The following RPSA2 variants were observed in gnomAD, a reference collection of about 807,000 sequenced individuals.
RPSA2 encodes the protein ribosomal protein SA 2, also known as small ribosomal subunit protein uS2B.
chr19:23,820,633 C>T, the RPSA2 span, among the ~76,000 whole-genome samples: 3 of 152,304 alleles, frequency 2.0e-5, no homozygotes, highest in Admixed American at 1.3e-4. Context: ...GCTCATACAG[C>T]ATCTAAGAGC....
At chr19:23,861,128 C>G in the RPSA2 span, among the ~76,000 whole-genome samples, 11 of 152,318 alleles carry the variant, frequency 7.2e-5, no homozygotes, top group East Asian at 9.7e-4. Context: ...TTACTTCACT[C>G]ATATCACATG....
chr19:23,847,747 TATCTC>T, the RPSA2 span, among the ~76,000 whole-genome samples: 2 of 152,160 alleles, frequency 1.3e-5, no homozygotes, highest in African/African-American at 4.8e-5. Flanking sequence ...GACCAGGGCG[TATCTC>T]AGTACTTATC....
chr19:23,827,825 G>C, the RPSA2 span: 27 of 1,546,978 alleles, frequency 1.7e-5, no homozygotes, highest in South Asian at 3.0e-4. Flanking sequence ...TGAGAAGGCA[G>C]TGACCAAGGA....
At chr19:23,832,699 C>T in the RPSA2 span, 3,573 of 1,507,040 alleles carry the variant, frequency 2.4e-3, 81 homozygotes, top group African/African-American at 0.042. Flanking sequence ...TAAGAGGATG[C>T]ACACTGGAGA....
chr19:23,772,417 C>A, the RPSA2 span, among the ~76,000 whole-genome samples: 3 of 152,168 alleles, frequency 2.0e-5, no homozygotes, highest in Non-Finnish European at 4.4e-5. Flanking sequence ...TAACTCCCTA[C>A]CTACAGGTTA....
the RPSA2 span, among the ~76,000 whole-genome samples, chr19:23,780,161 G>C: frequency 6.6e-6 from 1 of 152,086 alleles, no homozygotes; most frequent in African/African-American, 2.4e-5. Context: ...AGGTTATAGA[G>C]AATTACCACT....
the RPSA2 span, among the ~76,000 whole-genome samples, chr19:23,846,619 A>G: frequency 1.3e-5 from 2 of 152,174 alleles, no homozygotes; most frequent in Non-Finnish European, 2.9e-5. Context: ...TCACTTGTGA[A>G]GGTTAATCTA....
At chr19:23,792,607 CAG>C in the RPSA2 span, among the ~76,000 whole-genome samples, 2 of 137,434 alleles carry the variant, frequency 1.5e-5, no homozygotes, top group Non-Finnish European at 3.1e-5. Context: ...TTTTTTGTGA[CAG>C]AGTCTAGCTC....
chr19:23,768,791 T>G, the RPSA2 span, among the ~76,000 whole-genome samples: 2 of 150,216 alleles, frequency 1.3e-5, no homozygotes, highest in African/African-American at 4.9e-5. Context: ...TTTCACCATG[T>G]TGGCCAGGCT....
the RPSA2 span, among the ~76,000 whole-genome samples, chr19:23,766,792 C>CT: frequency 7.0e-6 from 1 of 143,184 alleles, no homozygotes; most frequent in Non-Finnish European, 1.5e-5. Flanking sequence ...GAGTTTCGCT[C>CT]TTGTTACCCA....
At chr19:23,820,618 CTG>C in the RPSA2 span, among the ~76,000 whole-genome samples, 2 of 152,188 alleles carry the variant, frequency 1.3e-5, no homozygotes, top group Non-Finnish European at 2.9e-5. Context: ...GCTACCTTCT[CTG>C]GGGCTCATAC....
At chr19:23,787,319 G>A in the RPSA2 span, among the ~76,000 whole-genome samples, 2 of 152,010 alleles carry the variant, frequency 1.3e-5, no homozygotes, top group Admixed American at 1.3e-4. Flanking sequence ...AAATGTCTTT[G>A]TGGCTGGGTG....
chr19:23,862,034 G>T, the RPSA2 span, among the ~76,000 whole-genome samples: 1 of 151,942 alleles, frequency 6.6e-6, no homozygotes, highest in Non-Finnish European at 1.5e-5. Flanking sequence ...CCATTTCTTT[G>T]TATCCTCTTT....
chr19:23,818,499 T>C, the RPSA2 span: 1 of 152,698 alleles, frequency 6.5e-6, no homozygotes, highest in Non-Finnish European at 1.5e-5. Context: ...TCCTCCCTCT[T>C]GGGCTAGGAG....
At chr19:23,832,572 A>G in the RPSA2 span, 1 of 1,032,866 alleles carries the variant, frequency 9.7e-7, no homozygotes, top group South Asian at 1.5e-5. Flanking sequence ...GAATGTGGCA[A>G]TGCTTTTAGC....
the RPSA2 span, among the ~76,000 whole-genome samples, chr19:23,760,853 T>TG: frequency 6.6e-6 from 1 of 151,024 alleles, no homozygotes; most frequent in African/African-American, 2.4e-5. Flanking sequence ...TTAGCAGAGT[T>TG]GGGGTTTTAC....
At chr19:23,866,884 AG>A in the RPSA2 span, among the ~76,000 whole-genome samples, 3 of 152,316 alleles carry the variant, frequency 2.0e-5, no homozygotes, top group African/African-American at 4.8e-5. Context: ...TTTAGGCAAA[AG>A]CTGCCTTAAC....
At chr19:23,765,143 GA>G in the RPSA2 span, among the ~76,000 whole-genome samples, 2 of 152,178 alleles carry the variant, frequency 1.3e-5, no homozygotes. Context: ...TAACCTCTTA[GA>G]AAATTAAAAT....
the RPSA2 span, among the ~76,000 whole-genome samples, chr19:23,858,205 G>C: frequency 7.1e-6 from 1 of 140,878 alleles, no homozygotes. Flanking sequence ...TTTTTTCTTT[G>C]TTGTGTTGGT....
Sources: gnomAD v4.1 joint callset for allele counts (sites outside exome capture counted in the v4.1 genomes callset) on GRCh38, gnomAD v4.1.1 for gene constraint, MANE v1.5 for transcripts, NCBI Gene and HGNC (gene_info 2026-07-23, HGNC 2026-07-21) for gene names.